Variants in PNPT1 observed in about 807,000 individuals in gnomAD.
PNPT1 encodes polyribonucleotide nucleotidyltransferase 1, also known as polyribonucleotide nucleotidyltransferase 1, mitochondrial.
PNPT1 carries 53 observed loss-of-function variants against 119.5 expected under a neutral mutation model. The observed-to-expected ratio is 0.44, with a 90% CI of 0.36 to 0.56. The LOEUF (loss-of-function observed/expected upper bound fraction) is 0.56. Among genes scored for constraint, PNPT1 ranks in the 20% least tolerant of loss-of-function variants. The probability of loss-of-function intolerance (pLI) is 0.00; values close to 1 mark genes in which losing one functional copy is unlikely to be tolerated. For synonymous variants in PNPT1, 357 were observed against 322.1 expected, an observed-to-expected ratio of 1.11 and a Z score of -1.16; for missense variants, 948 against 938.5, an observed-to-expected ratio of 1.01 and a Z score of -0.13.
At chr2:55,644,501 G>T (rs1695927681) in intron 23 of PNPT1, 136 bp downstream of exon 23, 1 of 554,292 alleles carries the variant, frequency 1.8e-6, no homozygotes, top group Non-Finnish European at 3.0e-6. Flanking sequence ...GTCAAGACAC[G>T]TCATATCCTT....
intron 8 of PNPT1, 111 bp from the exon 9 acceptor site, chr2:55,673,190 A>G: frequency 2.5e-6 from 2 of 814,022 alleles, no homozygotes; most frequent in Non-Finnish European, 3.6e-6. Context: ...TTTACTTCTT[A>G]GTGATAGATC....
rs1296380611 is a variant in PNPT1 at position 55,651,180 on chromosome 2, G to A, written c.1495+3720C>T. Among the ~76,000 whole-genome samples, 19 of 149,378 alleles carry A rather than the reference G, an allele frequency of 1.3e-4. No individual in the cohort carries two copies. In the South Asian group the frequency reaches 3.9e-3, roughly 31 times the overall value. On this transcript the variant is annotated intron_variant, in intron 18 of 27. Coordinates refer to ENST00000447944, the MANE Select transcript of PNPT1 (RefSeq NM_033109.5). The stretch of plus-strand genomic sequence containing the variant: ...GAGGAGCCCCTCTGCCCGGCCAGCC[G>A]CCCCGTCTGGGAGGTGAGGGGCGCC...
intron 7 of PNPT1, among the ~76,000 whole-genome samples, chr2:55,680,413 T>A (rs1348554881): frequency 1.9e-5 from 2 of 103,552 alleles, no homozygotes; most frequent in Non-Finnish European, 3.8e-5. Context: ...TATACTCTGA[T>A]AATTTCCCAG....
intron 25 of PNPT1, among the ~76,000 whole-genome samples, chr2:55,641,789 C>T (rs1362815133): frequency 2.6e-5 from 4 of 151,256 alleles, no homozygotes; most frequent in Admixed American, 6.6e-5. Flanking sequence ...ATTTTCTTAT[C>T]CTAAAAAAAC....
intron 8 of PNPT1, among the ~76,000 whole-genome samples, chr2:55,677,963 G>A (rs183761904): frequency 5.3e-5 from 8 of 152,118 alleles, no homozygotes; most frequent in African/African-American, 1.9e-4. Flanking sequence ...GGATGGTCTC[G>A]ATCTCCTGAC....
intron 5 of PNPT1, among the ~76,000 whole-genome samples, chr2:55,682,801 T>G (rs1697288354): frequency 6.6e-6 from 1 of 151,788 alleles, no homozygotes. Flanking sequence ...CCCAGCTACT[T>G]AGGAGGCTAA....
intron 14 of PNPT1, 91 bp from the exon 15 acceptor site, chr2:55,660,284 C>A: frequency 7.6e-7 from 1 of 1,312,104 alleles, no homozygotes; most frequent in Non-Finnish European, 1.0e-6. Flanking sequence ...GGGGATTTTA[C>A]AAAAGAACTA....
intron 15 of PNPT1, among the ~76,000 whole-genome samples, chr2:55,656,664 AT>A (rs1696397218): frequency 6.6e-6 from 1 of 152,194 alleles, no homozygotes; most frequent in Non-Finnish European, 1.5e-5. Flanking sequence ...ATAACGTTAT[AT>A]TTTTGTAATA....
chr2:55,688,616 C>T (rs1425394583), intron 1 of PNPT1, among the ~76,000 whole-genome samples: 14 of 151,802 alleles, frequency 9.2e-5, no homozygotes, highest in Non-Finnish European at 1.9e-4. Context: ...TCCCAGCTAC[C>T]AAGGAGGCCG....
chr2:55,684,899 T>C (rs113703487), intron 4 of PNPT1, 44 bp downstream of exon 4: 86 of 1,450,274 alleles, frequency 5.9e-5, no homozygotes, highest in Non-Finnish European at 6.8e-5. Flanking sequence ...GATGCTAACA[T>C]AGGCATACCA....
intron 6 of PNPT1, 30 bp downstream of exon 6, chr2:55,680,825 G>A (rs1697225405): frequency 6.2e-7 from 1 of 1,611,344 alleles, no homozygotes; most frequent in East Asian, 2.2e-5. Context: ...TTTTTAATCT[G>A]ATAATTTTAA....
intron 13 of PNPT1, 111 bp downstream of exon 13, chr2:55,666,880 A>G: frequency 3.1e-6 from 2 of 641,064 alleles, no homozygotes; most frequent in Non-Finnish European, 5.0e-6. Context: ...TAATTTAAAT[A>G]AATAATATAC....
chr2:55,674,330 A>G (rs1329628884), intron 8 of PNPT1, among the ~76,000 whole-genome samples: 4 of 152,220 alleles, frequency 2.6e-5, no homozygotes, highest in Admixed American at 6.5e-5. Flanking sequence ...GTGGTGGCTC[A>G]CACCTGTAAT....
chr2:55,657,986 C>T (rs1696444283), intron 15 of PNPT1, among the ~76,000 whole-genome samples: 1 of 149,580 alleles, frequency 6.7e-6, no homozygotes, highest in Admixed American at 6.8e-5. Flanking sequence ...GTCTGTAATC[C>T]CAGCACTTTG....
At position 55,634,898 on chromosome 2, in the gene PNPT1, G is replaced by T. The variant is rs1695619793; in HGVS notation, c.*1339C>A. The T allele has an allele frequency of 6.6e-6, 1 of 151,622 alleles. No individual in the cohort carries two copies. Among genetic ancestry groups the T allele is most frequent in the South Asian group, 2.1e-4 (1 of 4,796 alleles). The allele number at this position is 151,622 out of a possible 1,614,324, so 9.4% of individuals were successfully genotyped here. ...TATAAGATTTAAAATTTTTTTTAGA[G>T]ATAAGAGTCCTGCTATGTTGCCCAG... On this transcript the variant is annotated 3_prime_UTR_variant, in exon 28 of 28. Coordinates refer to ENST00000447944, the MANE Select transcript of PNPT1 (RefSeq NM_033109.5).
intron 1 of PNPT1, among the ~76,000 whole-genome samples, 182 bp from the exon 2 acceptor site, chr2:55,687,887 A>G (rs2104184707): frequency 6.6e-6 from 1 of 152,304 alleles, no homozygotes; most frequent in East Asian, 1.9e-4. Flanking sequence ...AGAGTGGCTT[A>G]AAGAAGAATA....
intron 18 of PNPT1, among the ~76,000 whole-genome samples, chr2:55,653,015 T>C (rs1295712265): frequency 1.3e-5 from 2 of 152,114 alleles, no homozygotes; most frequent in Non-Finnish European, 2.9e-5. Flanking sequence ...ACCCGGCTAA[T>C]TTTTGTATTT....
At chr2:55,691,878 A>ATTTTTTTTTTTTTTTTT (rs1227966046) in intron 1 of PNPT1, among the ~76,000 whole-genome samples, 1 of 33,130 alleles carries the variant, frequency 3.0e-5, no homozygotes, top group Non-Finnish European at 5.9e-5. Flanking sequence ...ATATATATAT[A>ATTTTTTTTTTTTTTTTT]TTTTTTTTTT....
intron 8 of PNPT1, among the ~76,000 whole-genome samples, chr2:55,678,835 C>T (rs1697161702): frequency 6.6e-6 from 1 of 152,190 alleles, no homozygotes; most frequent in African/African-American, 2.4e-5. Flanking sequence ...ATTTTAACTT[C>T]ATCACTGGCT....
Sources: allele counts gnomAD v4.1 joint callset (sites outside exome capture counted in the v4.1 genomes callset), GRCh38; gene constraint gnomAD v4.1.1; transcripts MANE v1.5; gene names NCBI Gene and HGNC (gene_info 2026-07-23, HGNC 2026-07-21).